The following FAM91A1 variants were observed in gnomAD, a reference collection of about 807,000 sequenced individuals.
FAM91A1 encodes protein FAM91A1.
A neutral mutation model predicts 113.5 loss-of-function variants in FAM91A1; 41 were observed. The ratio of observed to expected loss-of-function variants is 0.36; its 90% confidence interval spans 0.28 to 0.47. The LOEUF (loss-of-function observed/expected upper bound fraction) is 0.47, where lower values mean the gene tolerates loss of function less well. Ranked by LOEUF, FAM91A1 falls within the 20% of genes least tolerant of loss-of-function variation. The probability of loss-of-function intolerance (pLI) is 1.00; values close to 1 mark genes in which losing one functional copy is unlikely to be tolerated. For synonymous variants in FAM91A1, 307 were observed against 347.9 expected (o/e 0.88, Z 1.31); for missense variants, 696 against 1,001.2 (o/e 0.70, Z 4.11).
intron 15 of FAM91A1, among the ~76,000 whole-genome samples, chr8:123,791,400 A>G (rs754073681): frequency 9.2e-5 from 14 of 152,058 alleles, no homozygotes; most frequent in Non-Finnish European, 1.3e-4. Flanking sequence ...GGCTGGGCTA[A>G]ATTTTTTCCC....
chr8:123,778,226 A>G lies in FAM91A1; in HGVS notation c.435+134A>G, dbSNP rs932882553. On this transcript the variant is annotated intron_variant, in intron 5 of 23. Transcript: ENST00000334705. ...CTTAACACAGAAACAATACAAAAAAAACTCCTCAGTATTCTCTAGGTTATA... is the reference window on the plus strand; with the variant it reads ...CTTAACACAGAAACAATACAAAAAAGACTCCTCAGTATTCTCTAGGTTATA... 7 of 622,000 alleles carry G rather than the reference A, an allele frequency of 1.1e-5. No homozygotes were observed. In the African/African-American group the frequency reaches 1.1e-4, roughly 10 times the overall value. The allele number at this position is 622,000 out of a possible 1,614,324, so 38.5% of individuals were successfully genotyped here.
intron 18 of FAM91A1, among the ~76,000 whole-genome samples, chr8:123,802,881 TG>T (rs1192992492): frequency 6.6e-6 from 1 of 152,218 alleles, no homozygotes; most frequent in African/African-American, 2.4e-5. Context: ...TTAAAGTTTT[TG>T]AAAAGAATGA....
At chr8:123,800,712 A>G (rs1815651777) in intron 18 of FAM91A1, among the ~76,000 whole-genome samples, 1 of 152,154 alleles carries the variant, frequency 6.6e-6, no homozygotes, top group Non-Finnish European at 1.5e-5. Context: ...AAGCAACACT[A>G]ATCTACTTGT....
intron 18 of FAM91A1, among the ~76,000 whole-genome samples, chr8:123,802,826 C>G (rs1586392567): frequency 6.6e-6 from 1 of 152,152 alleles, no homozygotes; most frequent in African/African-American, 2.4e-5. Context: ...CCTTTTTGAA[C>G]TTTAGTGTCT....
rs367722431 is a variant in FAM91A1 at position 123,798,055 on chromosome 8, C to A, written c.1412-35C>A. On this transcript the variant is annotated intron_variant, in intron 15 of 23. Coordinates refer to ENST00000334705, the MANE Select transcript of FAM91A1 (RefSeq NM_144963.4). ...AACATTTTTGTTTCACACTCTCAGT[C>A]TTTTATTCTGTGTGTGTGCTTGATC... 86 of 1,578,832 alleles carry A rather than the reference C, an allele frequency of 5.4e-5. No homozygotes were observed. In the African/African-American group the frequency reaches 1.1e-3, roughly 20 times the overall value.
intron 22 of FAM91A1, among the ~76,000 whole-genome samples, chr8:123,809,515 A>G (rs1815898530): frequency 6.6e-6 from 1 of 152,216 alleles, no homozygotes; most frequent in Non-Finnish European, 1.5e-5. Flanking sequence ...GTTTTATCTT[A>G]TATACCAGCT....
intron 15 of FAM91A1, among the ~76,000 whole-genome samples, chr8:123,795,459 A>C (rs1465183664): frequency 1.6e-5 from 2 of 128,906 alleles, no homozygotes; most frequent in Non-Finnish European, 3.1e-5. Context: ...CATCTTCCCC[A>C]TCTCTCTCTT....
In FAM91A1 at chr8:123,808,939, A is replaced by C. The variant is rs374661244; in HGVS notation, c.2184A>C (p.Gly728=). 102 of 1,612,678 alleles carry C rather than the reference A, an allele frequency of 6.3e-5. No homozygotes were observed. In the African/African-American group the frequency reaches 1.2e-3, roughly 19 times the overall value. Residue 728 remains glycine (G), a synonymous_variant, in exon 22 of 24, where the codon GGA becomes GGC. Transcript: ENST00000334705. ...GGGTTCCTCTCGAGCTGTGCTTTGG[A>C]ATTCCACTGTTCAGTTCCGAATTAA... ...ADWVPLELCF[G]IPLFSSELNR...
At chr8:123,797,139 G>A (rs896024855) in intron 15 of FAM91A1, among the ~76,000 whole-genome samples, 1 of 152,110 alleles carries the variant, frequency 6.6e-6, no homozygotes. Flanking sequence ...ATGGAGATGG[G>A]TGCTTCCAAA....
At chr8:123,776,410 G>A (rs913207566) in intron 3 of FAM91A1, among the ~76,000 whole-genome samples, 25 of 152,166 alleles carry the variant, frequency 1.6e-4, no homozygotes, top group African/African-American at 5.8e-4. Flanking sequence ...ATCTCCAGAA[G>A]CCCCTCCTTC....
At chr8:123,795,416 C>T (rs533719029) in intron 15 of FAM91A1, among the ~76,000 whole-genome samples, 1 of 139,652 alleles carries the variant, frequency 7.2e-6, no homozygotes, top group East Asian at 2.2e-4. Flanking sequence ...TCATCATGAT[C>T]GTGAGTTCTC....
chr8:123,768,675 C>T lies in FAM91A1; in HGVS notation c.-28C>T, dbSNP rs1814764258. 1 of 1,557,042 alleles carries T rather than the reference C, an allele frequency of 6.4e-7. No homozygotes were observed. Among genetic ancestry groups the T allele is most frequent in the Non-Finnish European group, 8.7e-7 (1 of 1,153,310 alleles). Reference sequence around the variant, plus strand: ...GCGTAGTGTGGGTCGCGGTGGCGGCCCCGGCCGCCGGCCCTGGCCGCGGCA... The same window carrying T: ...GCGTAGTGTGGGTCGCGGTGGCGGCTCCGGCCGCCGGCCCTGGCCGCGGCA... On this transcript the variant is annotated 5_prime_UTR_variant, in exon 1 of 24. Transcript: ENST00000334705.
At chr8:123,805,112 T>C (rs1177513663) in intron 18 of FAM91A1, among the ~76,000 whole-genome samples, 155 bp from the exon 19 acceptor site, 1 of 152,234 alleles carries the variant, frequency 6.6e-6, no homozygotes, top group Admixed American at 6.5e-5. Flanking sequence ...AGATTGTCAC[T>C]GCTTGCTGAA....
At chr8:123,790,854 T>C (rs925513224) in intron 15 of FAM91A1, among the ~76,000 whole-genome samples, 2 of 152,208 alleles carry the variant, frequency 1.3e-5, no homozygotes, top group African/African-American at 4.8e-5. Context: ...CATAAATAGT[T>C]AAAACTGAGA....
At chr8:123,812,310 C>A in intron 23 of FAM91A1, 1 of 383,526 alleles carries the variant, frequency 2.6e-6, no homozygotes, top group Non-Finnish European at 4.6e-6. Context: ...AAAGGACTTA[C>A]TACAGTTTAA....
chr8:123,785,003 T>A (rs1815217448), intron 9 of FAM91A1, 78 bp from the exon 10 acceptor site: 1 of 1,065,766 alleles, frequency 9.4e-7, no homozygotes, highest in Admixed American at 2.7e-5. Context: ...CTGATTATGA[T>A]TATATTGGTC....
At chr8:123,800,183 G>A (rs1250964509) in intron 18 of FAM91A1, among the ~76,000 whole-genome samples, 2 of 151,748 alleles carry the variant, frequency 1.3e-5, no homozygotes, top group Non-Finnish European at 2.9e-5. Flanking sequence ...CATCTGTGGG[G>A]AATATGTTCC....
At chr8:123,807,843 G>A (rs1312258786) in intron 20 of FAM91A1, among the ~76,000 whole-genome samples, 3 of 152,230 alleles carry the variant, frequency 2.0e-5, no homozygotes, top group African/African-American at 7.2e-5. Context: ...CTTCTGTGCT[G>A]AAAGATAATG....
chr8:123,794,210 A>T (rs918682934), intron 15 of FAM91A1, among the ~76,000 whole-genome samples: 19 of 152,206 alleles, frequency 1.2e-4, no homozygotes, highest in African/African-American at 4.3e-4. Context: ...GTTTTGGAAC[A>T]TTTTTTTGGA....
Sources: allele counts gnomAD v4.1 joint callset (sites outside exome capture counted in the v4.1 genomes callset), GRCh38; gene constraint gnomAD v4.1.1; transcripts MANE v1.5; gene names NCBI Gene and HGNC (gene_info 2026-07-23, HGNC 2026-07-21).